CMSS1: variants seen among roughly 807,000 people sequenced by gnomAD.
The protein encoded by CMSS1 is cms1 ribosomal small subunit homolog.
Under a neutral mutation model 43.5 loss-of-function variants are expected in CMSS1, and 33 were observed. The ratio of observed to expected loss-of-function variants is 0.76; its 90% CI spans 0.57 to 1.01. CMSS1 has a LOEUF of 1.01. CMSS1 is among the 50% of genes least tolerant of loss of function. The pLI is 0.00. For missense variants in CMSS1, 313 were observed against 326.4 expected (o/e 0.96, Z 0.32); for synonymous variants, 115 against 117.2 (o/e 0.98, Z 0.12).
At chr3:99,881,769 G>T (rs1705737475) in intron 1 of CMSS1, among the ~76,000 whole-genome samples, 1 of 152,148 alleles carries the variant, frequency 6.6e-6, no homozygotes, top group Non-Finnish European at 1.5e-5. Context: ...CTGACTTCAG[G>T]TGATCTGCCC....
Position 99,850,023 on chromosome 3 carries a change from G to A in CMSS1, c.64+31980G>A, listed in dbSNP as rs558970547. On this transcript the variant is annotated intron_variant, in intron 1 of 9. Coordinates refer to ENST00000421999, the MANE Select transcript of CMSS1 (RefSeq NM_032359.4). Reference sequence around the variant, plus strand: ...CGCTGTACATCTTTTCTTCTACATCGGTTTTGGACTTGAGCGCCCTTTTAG... The same window carrying A: ...CGCTGTACATCTTTTCTTCTACATCAGTTTTGGACTTGAGCGCCCTTTTAG... 50 of 1,607,114 alleles carry A rather than the reference G, an allele frequency of 3.1e-5. 1 individual carries two copies. The East Asian group carries it at 7.6e-4, about 24-fold the overall frequency.
chr3:99,832,189 C>T (rs1436747724), intron 1 of CMSS1, among the ~76,000 whole-genome samples: 2 of 150,990 alleles, frequency 1.3e-5, no homozygotes, highest in Non-Finnish European at 2.9e-5. Context: ...GCAGCAAAGG[C>T]TTGTTATTTT....
intron 1 of CMSS1, among the ~76,000 whole-genome samples, chr3:100,129,855 G>A (rs1270896959): frequency 6.6e-6 from 1 of 152,110 alleles, no homozygotes; most frequent in African/African-American, 2.4e-5. Context: ...AGTGACACTT[G>A]GTTCTCATAG....
At chr3:99,985,585 T>C (rs1709314589) in intron 1 of CMSS1, among the ~76,000 whole-genome samples, 1 of 151,458 alleles carries the variant, frequency 6.6e-6, no homozygotes, top group Non-Finnish European at 1.5e-5. Context: ...TTTATAATCA[T>C]GAGAAAAGCT....
intron 1 of CMSS1, chr3:99,849,214 G>A: frequency 4.3e-6 from 7 of 1,614,042 alleles, no homozygotes; most frequent in South Asian, 1.1e-5. Flanking sequence ...ATTGATGACT[G>A]CACGTTCCAG....
chr3:99,855,538 AG>A (rs1943918740), intron 1 of CMSS1, among the ~76,000 whole-genome samples: 1 of 152,230 alleles, frequency 6.6e-6, no homozygotes, highest in Non-Finnish European at 1.5e-5. Flanking sequence ...AGGCTCACAA[AG>A]GTCAAGAAGG....
intron 1 of CMSS1, among the ~76,000 whole-genome samples, chr3:99,998,861 G>T (rs138138437): frequency 2.0e-5 from 3 of 152,112 alleles, no homozygotes; most frequent in Non-Finnish European, 4.4e-5. Flanking sequence ...GAGCCACCGC[G>T]CCCGGCCATG....
chr3:100,085,078 T>C (rs1428750812), intron 1 of CMSS1, among the ~76,000 whole-genome samples: 1 of 152,222 alleles, frequency 6.6e-6, no homozygotes, highest in African/African-American at 2.4e-5. Context: ...AACTAAGCCG[T>C]ATCCCCTAAA....
chr3:100,045,393 G>A (rs1474542603), intron 1 of CMSS1, among the ~76,000 whole-genome samples: 1 of 152,196 alleles, frequency 6.6e-6, no homozygotes, highest in Non-Finnish European at 1.5e-5. Context: ...GTGGAAAAGA[G>A]TGAATAAAGG....
Position 99,817,885 on chromosome 3 carries a change from G to GTAGC in CMSS1, c.-92_-89dup. 7.6e-7 allele frequency: 1 copy of GTAGC among 1,320,640 alleles called. No homozygotes were observed. Among genetic ancestry groups the GTAGC allele is most frequent in the Admixed American group, 1.8e-5 (1 of 56,112 alleles). The allele number at this position is 1,320,640 out of a possible 1,614,324, so 81.8% of individuals were successfully genotyped here. On this transcript the variant is annotated 5_prime_UTR_variant, in exon 1 of 10. Coordinates refer to ENST00000421999, the MANE Select transcript of CMSS1 (RefSeq NM_032359.4). ...ACAGTGTCTAGCGGGAGCTCCGCGT[G>GTAGC]TAGCTACGCCGGCCGCCTGGCTTTG... is the stretch of plus-strand genomic sequence containing the variant.
At chr3:99,818,853 T>C (rs944397357) in intron 1 of CMSS1, among the ~76,000 whole-genome samples, 6 of 152,234 alleles carry the variant, frequency 3.9e-5, no homozygotes, top group African/African-American at 1.4e-4. Flanking sequence ...CATCCCCAAG[T>C]AGAGTAGCGT....
At chr3:99,920,103 G>T (rs942802340) in intron 1 of CMSS1, among the ~76,000 whole-genome samples, 20 of 152,118 alleles carry the variant, frequency 1.3e-4, no homozygotes, top group Non-Finnish European at 1.5e-5. Flanking sequence ...ACAATCCATG[G>T]TTGAAGCCAC....
At chr3:99,954,170 A>C (rs1708254800) in intron 1 of CMSS1, among the ~76,000 whole-genome samples, 1 of 152,238 alleles carries the variant, frequency 6.6e-6, no homozygotes, top group African/African-American at 2.4e-5. Context: ...CATATTTCAC[A>C]GGTGACAAAC....
intron 1 of CMSS1, among the ~76,000 whole-genome samples, chr3:100,047,768 T>G (rs1342408589): frequency 6.6e-6 from 1 of 152,080 alleles, no homozygotes; most frequent in Non-Finnish European, 1.5e-5. Flanking sequence ...CTTCCTCTTT[T>G]AACTGACAGG....
intron 1 of CMSS1, among the ~76,000 whole-genome samples, chr3:100,062,384 T>A (rs1263227398): frequency 6.6e-6 from 1 of 152,112 alleles, no homozygotes; most frequent in Non-Finnish European, 1.5e-5. Flanking sequence ...GTGCTAGGAT[T>A]ACAGGTGTGA....
chr3:100,111,560 C>G (rs1445275858), intron 1 of CMSS1, among the ~76,000 whole-genome samples: 2 of 152,154 alleles, frequency 1.3e-5, no homozygotes, highest in African/African-American at 4.8e-5. Context: ...TATGAAAAGT[C>G]TCCTCAACCA....
intron 1 of CMSS1, chr3:99,850,999 G>A (rs1283012086): frequency 1.9e-6 from 3 of 1,613,502 alleles, no homozygotes; most frequent in Admixed American, 1.7e-5. Context: ...TTTCAGGGTG[G>A]TGACCCTTTT....
intron 4 of CMSS1, among the ~76,000 whole-genome samples, chr3:100,164,442 C>T (rs561922807): frequency 1.3e-5 from 2 of 152,104 alleles, no homozygotes; most frequent in Non-Finnish European, 2.9e-5. Flanking sequence ...CATTTGAGTT[C>T]CATAGTGAAT....
At chr3:100,173,112 C>G (rs1346845590) in intron 8 of CMSS1, among the ~76,000 whole-genome samples, 5 of 152,116 alleles carry the variant, frequency 3.3e-5, no homozygotes, top group Non-Finnish European at 5.9e-5. Flanking sequence ...ATGTGTTCAT[C>G]AGTGTAGTAA....
Sources: gnomAD v4.1 joint callset for allele counts (sites outside exome capture counted in the v4.1 genomes callset) on GRCh38, gnomAD v4.1.1 for gene constraint, MANE v1.5 for transcripts, NCBI Gene and HGNC (gene_info 2026-07-23, HGNC 2026-07-21) for gene names.